GPR39: variants seen among roughly 807,000 people sequenced by gnomAD.
GPR39 encodes zinc sensing receptor.
A neutral mutation model predicts 18.4 loss-of-function variants in GPR39; 23 were observed. That is an observed-to-expected ratio of 1.25 (90% CI 0.90 to 1.77). The LOEUF (loss-of-function observed/expected upper bound fraction) is 1.77. GPR39 is among the 40% of genes most tolerant of loss of function. GPR39 has a pLI of 0.00. For missense variants in GPR39, 647 were observed against 602.4 expected, an observed-to-expected ratio of 1.07 and a Z score of -0.78; for synonymous variants, 280 against 257.9, an observed-to-expected ratio of 1.09 and a Z score of -0.82.
chr2:132,618,073 C>T lies in GPR39; in HGVS notation c.857-27028C>T, dbSNP rs151316050. ...AAATATGTCCCCTCCATTTCCCACT[C>T]CAAGAAAAGCCAGATGAGAAAATTC... On this transcript the variant is annotated intron_variant, in intron 1 of 1. Transcript: ENST00000329321. Among the ~76,000 whole-genome samples, 266 of 152,288 alleles carry T rather than the reference C, an allele frequency of 1.7e-3. 3 individuals carry two copies. Among genetic ancestry groups the T allele is most frequent in the African/African-American group, 6.1e-3 (252 of 41,542 alleles).
intron 1 of GPR39, among the ~76,000 whole-genome samples, chr2:132,492,492 C>A (rs1198947873): frequency 7.2e-6 from 1 of 139,446 alleles, no homozygotes; most frequent in African/African-American, 2.6e-5. Flanking sequence ...TATATATACA[C>A]CATATATACA....
intron 1 of GPR39, among the ~76,000 whole-genome samples, chr2:132,530,752 T>A (rs1019431022): frequency 2.6e-5 from 4 of 152,184 alleles, no homozygotes; most frequent in Non-Finnish European, 5.9e-5. Context: ...CCAGCCAAAC[T>A]AAGCTTCATA....
At chr2:132,418,814 G>A (rs989493089) in intron 1 of GPR39, among the ~76,000 whole-genome samples, 2 of 152,152 alleles carry the variant, frequency 1.3e-5, no homozygotes, top group African/African-American at 2.4e-5. Context: ...TTTTTTAGCA[G>A]AAACAATAAA....
At chr2:132,431,103 T>G (rs754780635) in intron 1 of GPR39, among the ~76,000 whole-genome samples, 8 of 152,226 alleles carry the variant, frequency 5.3e-5, no homozygotes, top group Non-Finnish European at 1.2e-4. Flanking sequence ...TCTCCTGCCT[T>G]GTAAGCTGAC....
At chr2:132,459,317 T>A (rs1038420543) in intron 1 of GPR39, among the ~76,000 whole-genome samples, 4 of 152,212 alleles carry the variant, frequency 2.6e-5, no homozygotes, top group African/African-American at 4.8e-5. Context: ...TTTTGAGAAA[T>A]CTCTTTCTTC....
At chr2:132,466,503 G>C (rs1207150798) in intron 1 of GPR39, among the ~76,000 whole-genome samples, 2 of 152,138 alleles carry the variant, frequency 1.3e-5, no homozygotes, top group African/African-American at 4.8e-5. Context: ...CCAGGGCCAG[G>C]GTTGACTGAG....
At chr2:132,604,820 T>A (rs1024864442) in intron 1 of GPR39, 1 of 152,200 alleles carries the variant, frequency 6.6e-6, no homozygotes, top group African/African-American at 2.4e-5. Context: ...CTGAAAGAAG[T>A]AGAAACATGA....
At chr2:132,468,626 C>T (rs545951274) in intron 1 of GPR39, among the ~76,000 whole-genome samples, 1 of 152,268 alleles carries the variant, frequency 6.6e-6, no homozygotes, top group African/African-American at 2.4e-5. Context: ...GTCAACCCAA[C>T]CTTTGCCCAA....
intron 1 of GPR39, among the ~76,000 whole-genome samples, chr2:132,623,599 G>C (rs145390933): frequency 1.3e-5 from 2 of 152,196 alleles, no homozygotes; most frequent in African/African-American, 2.4e-5. Context: ...GCCCCAGTCC[G>C]GAAACCTGGC....
At chr2:132,584,530 G>A (rs1469417588) in intron 1 of GPR39, among the ~76,000 whole-genome samples, 1 of 152,008 alleles carries the variant, frequency 6.6e-6, no homozygotes, top group African/African-American at 2.4e-5. Flanking sequence ...GGGAAGGAAG[G>A]CTAGCAAGAT....
chr2:132,547,527 A>G (rs1573659586), intron 1 of GPR39, among the ~76,000 whole-genome samples: 1 of 152,318 alleles, frequency 6.6e-6, no homozygotes, highest in East Asian at 1.9e-4. Flanking sequence ...ATTTTCTTTA[A>G]TCTTTCGGCT....
chr2:132,424,126 A>G (rs1680070051), intron 1 of GPR39, among the ~76,000 whole-genome samples: 1 of 152,178 alleles, frequency 6.6e-6, no homozygotes, highest in Admixed American at 6.6e-5. Flanking sequence ...TCAGACCCTG[A>G]ATGTTAGCTT....
chr2:132,558,734 G>T (rs1353650384), intron 1 of GPR39, among the ~76,000 whole-genome samples: 2 of 152,130 alleles, frequency 1.3e-5, no homozygotes, highest in Non-Finnish European at 2.9e-5. Flanking sequence ...TTATAGTATG[G>T]CAAGTAATAA....
intron 1 of GPR39, among the ~76,000 whole-genome samples, chr2:132,450,612 T>C (rs761106526): frequency 7.9e-5 from 12 of 152,188 alleles, no homozygotes; most frequent in East Asian, 1.9e-4. Context: ...CCTTCACCTA[T>C]ACCCTCTGAC....
chr2:132,481,234 C>T (rs901242099), intron 1 of GPR39, among the ~76,000 whole-genome samples: 2 of 152,126 alleles, frequency 1.3e-5, no homozygotes, highest in Non-Finnish European at 2.9e-5. Context: ...CAAATGTATT[C>T]GTGTCGGTGC....
intron 1 of GPR39, among the ~76,000 whole-genome samples, chr2:132,608,518 G>C (rs1573695695): frequency 6.6e-6 from 1 of 152,186 alleles, no homozygotes; most frequent in African/African-American, 2.4e-5. Flanking sequence ...CTGTCAAATA[G>C]CTGTTTACAG....
chr2:132,459,500 G>A (rs999905341), intron 1 of GPR39, among the ~76,000 whole-genome samples: 1 of 152,126 alleles, frequency 6.6e-6, no homozygotes, highest in African/African-American at 2.4e-5. Context: ...TCCACACTGG[G>A]TGTAGCTTCT....
chr2:132,454,567 A>AT (rs1402894832), intron 1 of GPR39, among the ~76,000 whole-genome samples: 4 of 152,218 alleles, frequency 2.6e-5, no homozygotes, highest in African/African-American at 9.7e-5. Context: ...GCCAGTTTTC[A>AT]AAGGGAATAC....
chr2:132,638,113 G>A (rs1373593847), intron 1 of GPR39, among the ~76,000 whole-genome samples: 3 of 152,020 alleles, frequency 2.0e-5, no homozygotes, highest in Non-Finnish European at 4.4e-5. Flanking sequence ...AAGAGGAAAG[G>A]GGAGGGAAAA....
Sources: gnomAD v4.1 joint callset for allele counts (sites outside exome capture counted in the v4.1 genomes callset) on GRCh38, gnomAD v4.1.1 for gene constraint, MANE v1.5 for transcripts, NCBI Gene and HGNC (gene_info 2026-07-23, HGNC 2026-07-21) for gene names.